The following PTPRD variants were observed in gnomAD, a reference collection of about 807,000 sequenced individuals.
PTPRD encodes the protein protein tyrosine phosphatase receptor type D, also known as receptor-type tyrosine-protein phosphatase delta.
In PTPRD, 34 loss-of-function variants were observed where a neutral mutation model predicts 214.5. The observed-to-expected ratio is 0.16, with a 90% CI of 0.12 to 0.21. The LOEUF (loss-of-function observed/expected upper bound fraction) is 0.21. Among genes scored for constraint, PTPRD ranks in the 10% least tolerant of loss-of-function variants. The pLI is 1.00. For missense variants in PTPRD, 2,545 were observed against 2,398.7 expected (o/e 1.06, Z -1.27); for synonymous variants, 1,128 against 845.7 (o/e 1.33, Z -5.79).
chr9:10,367,692 G>T (rs1177413865), intron 2 of PTPRD, among the ~76,000 whole-genome samples: 1 of 152,088 alleles, frequency 6.6e-6, no homozygotes, highest in Non-Finnish European at 1.5e-5. Flanking sequence ...TGCCACAGAT[G>T]CCTTTCTTTA....
intron 2 of PTPRD, among the ~76,000 whole-genome samples, chr9:10,542,086 G>C (rs1244998851): frequency 6.6e-6 from 1 of 152,042 alleles, no homozygotes; most frequent in African/African-American, 2.4e-5. Flanking sequence ...ATAGACTTTT[G>C]TAATTCCTTC....
At chr9:9,869,516 G>C (rs570788593) in intron 5 of PTPRD, among the ~76,000 whole-genome samples, 1 of 151,964 alleles carries the variant, frequency 6.6e-6, no homozygotes, top group African/African-American at 2.4e-5. Context: ...TGCTGGATTT[G>C]TCCCACATTC....
intron 2 of PTPRD, among the ~76,000 whole-genome samples, chr9:10,473,600 A>G (rs2099044812): frequency 1.3e-5 from 2 of 152,126 alleles, no homozygotes; most frequent in African/African-American, 4.8e-5. Flanking sequence ...TAACTAAAAT[A>G]CCAAATGTTG....
At chr9:8,580,651 G>A (rs1022071744) in intron 14 of PTPRD, among the ~76,000 whole-genome samples, 1 of 152,162 alleles carries the variant, frequency 6.6e-6, no homozygotes, top group Non-Finnish European at 1.5e-5. Flanking sequence ...TAAGTAGTGA[G>A]TGATGAGTGA....
intron 5 of PTPRD, among the ~76,000 whole-genome samples, chr9:9,808,650 T>C (rs1369884070): frequency 6.6e-6 from 1 of 152,168 alleles, no homozygotes; most frequent in African/African-American, 2.4e-5. Flanking sequence ...AATAAAATCG[T>C]TTAAAAGATA....
At chr9:9,630,564 A>G (rs1160330809) in intron 7 of PTPRD, among the ~76,000 whole-genome samples, 20 of 152,234 alleles carry the variant, frequency 1.3e-4, no homozygotes, top group Non-Finnish European at 2.2e-4. Context: ...AATGTTTATT[A>G]ACCAAAATTG....
At position 9,568,812 on chromosome 9, in the gene PTPRD, C is replaced by A. The variant is rs533192669; in HGVS notation, c.-237+5920G>T. Among the ~76,000 whole-genome samples, 6 of 151,820 alleles carry A rather than the reference C, an allele frequency of 4.0e-5. No individual in the cohort carries two copies. In the East Asian group the frequency reaches 1.2e-3, roughly 29 times the overall value. ...GTATAGAGGACTTCACAGATGAAGA[C>A]CTTTTTGTAGCTGGAGGATGACTGT... On this transcript the variant is annotated intron_variant, in intron 8 of 45. Coordinates refer to ENST00000381196, the MANE Select transcript of PTPRD (RefSeq NM_002839.4).
chr9:9,285,911 T>A (rs1271272756), intron 9 of PTPRD, among the ~76,000 whole-genome samples: 1 of 151,780 alleles, frequency 6.6e-6, no homozygotes, highest in Non-Finnish European at 1.5e-5. Context: ...TGTAAATTAG[T>A]GTATCTTCTC....
chr9:10,136,024 A>G (rs2098940596), intron 3 of PTPRD, among the ~76,000 whole-genome samples: 1 of 151,876 alleles, frequency 6.6e-6, no homozygotes, highest in African/African-American at 2.4e-5. Context: ...AGGCTGAAAG[A>G]AAAGAAATGG....
intron 2 of PTPRD, among the ~76,000 whole-genome samples, chr9:10,415,254 C>A (rs1026025601): frequency 3.3e-5 from 5 of 151,664 alleles, no homozygotes; most frequent in African/African-American, 1.2e-4. Flanking sequence ...TAAATGAACT[C>A]TAAAGTACTT....
At chr9:8,319,587 CAGT>C (rs1233120145) in intron 45 of PTPRD, among the ~76,000 whole-genome samples, 2 of 151,658 alleles carry the variant, frequency 1.3e-5, no homozygotes, top group Admixed American at 1.3e-4. Flanking sequence ...AAAAATGGTC[CAGT>C]AGTAAAATTT....
chr9:8,706,723 A>G (rs1032307138), intron 12 of PTPRD, among the ~76,000 whole-genome samples: 3 of 152,226 alleles, frequency 2.0e-5, no homozygotes, highest in Non-Finnish European at 4.4e-5. Context: ...AAAGCACAAC[A>G]AACAATGAAA....
At chr9:9,002,490 T>A (rs187975740) in intron 11 of PTPRD, among the ~76,000 whole-genome samples, 2 of 152,140 alleles carry the variant, frequency 1.3e-5, no homozygotes, top group African/African-American at 4.8e-5. Flanking sequence ...TTTTTAGAAG[T>A]TATGCCTGTT....
chr9:9,622,379 C>G (rs1198248754), intron 7 of PTPRD, among the ~76,000 whole-genome samples: 1 of 152,214 alleles, frequency 6.6e-6, no homozygotes, highest in Non-Finnish European at 1.5e-5. Flanking sequence ...TATATCTCCA[C>G]TAGTACAGCC....
chr9:9,578,041 G>T, intron 7 of PTPRD, among the ~76,000 whole-genome samples: 2 of 50,438 alleles, frequency 4.0e-5, no homozygotes, highest in Admixed American at 3.9e-4. Context: ...GTAAGACTCT[G>T]TCTCAAAAAA....
chr9:10,216,183 A>G (rs2099540227), intron 3 of PTPRD, among the ~76,000 whole-genome samples: 1 of 151,908 alleles, frequency 6.6e-6, no homozygotes, highest in African/African-American at 2.4e-5. Flanking sequence ...ATACTGCATT[A>G]AAATATTATT....
intron 11 of PTPRD, among the ~76,000 whole-genome samples, chr9:8,755,210 G>A (rs1290220327): frequency 2.0e-5 from 3 of 146,458 alleles, no homozygotes; most frequent in African/African-American, 7.8e-5. Context: ...TAACTTAGAT[G>A]TTATTATTAA....
At chr9:10,132,952 A>G (rs1267365440) in intron 3 of PTPRD, among the ~76,000 whole-genome samples, 2 of 49,496 alleles carry the variant, frequency 4.0e-5, no homozygotes, top group Non-Finnish European at 8.7e-5. Flanking sequence ...GTCACTTCCA[A>G]GATTGTTATT....
chr9:9,010,405 T>C (rs1428151545), intron 11 of PTPRD, among the ~76,000 whole-genome samples: 1 of 152,218 alleles, frequency 6.6e-6, no homozygotes, highest in Non-Finnish European at 1.5e-5. Context: ...GCTCTGTGTC[T>C]GGTGAGTTCA....
Sources: gnomAD v4.1 joint callset for allele counts (sites outside exome capture counted in the v4.1 genomes callset) on GRCh38, gnomAD v4.1.1 for gene constraint, MANE v1.5 for transcripts, NCBI Gene and HGNC (gene_info 2026-07-23, HGNC 2026-07-21) for gene names.